The following HLCS variants were observed in gnomAD, a reference collection of about 807,000 sequenced individuals.
HLCS encodes holocarboxylase synthetase.
HLCS carries 53 observed loss-of-function variants against 75.0 expected under a neutral mutation model. The ratio of observed to expected loss-of-function variants is 0.71; its 90% CI spans 0.57 to 0.89. The LOEUF (loss-of-function observed/expected upper bound fraction) is 0.89, where lower values mean the gene tolerates loss of function less well. Ranked by LOEUF, HLCS falls within the 40% of genes least tolerant of loss-of-function variation. HLCS has a pLI of 0.00. For missense variants in HLCS, 966 were observed against 1,074.0 expected (o/e 0.90, Z 1.41); for synonymous variants, 431 against 428.6 (o/e 1.01, Z -0.07).
chr21:36,953,594 A>G (rs2067773445), intron 2 of HLCS, among the ~76,000 whole-genome samples: 1 of 152,164 alleles, frequency 6.6e-6, no homozygotes, highest in Non-Finnish European at 1.5e-5. Flanking sequence ...GTTCCTTAAG[A>G]CGCTGTACAT....
chr21:36,855,652 C>G (rs2063166419), intron 6 of HLCS, among the ~76,000 whole-genome samples: 1 of 150,944 alleles, frequency 6.6e-6, no homozygotes, highest in African/African-American at 2.4e-5. Flanking sequence ...TCATGGCTAA[C>G]TGCAACCTCT....
chr21:36,918,386 A>C (rs2066021074), intron 5 of HLCS, among the ~76,000 whole-genome samples: 1 of 152,254 alleles, frequency 6.6e-6, no homozygotes, highest in Non-Finnish European at 1.5e-5. Flanking sequence ...AGTTGGCTTC[A>C]AAGGCAGAGA....
intron 2 of HLCS, chr21:36,947,657 C>CTCT (rs2067468733): frequency 1.0e-6 from 1 of 985,324 alleles, no homozygotes; most frequent in Non-Finnish European, 1.2e-6. Context: ...GTAACTAAAG[C>CTCT]TCTTGACTTG....
chr21:36,866,032 GTACTT>G (rs2063541996), intron 6 of HLCS, among the ~76,000 whole-genome samples: 1 of 152,180 alleles, frequency 6.6e-6, no homozygotes, highest in East Asian at 1.9e-4. Flanking sequence ...AAGCTTAAAA[GTACTT>G]TCCTTTCAGA....
intron 6 of HLCS, among the ~76,000 whole-genome samples, chr21:36,827,817 CTT>C (rs60457236): frequency 1.0e-4 from 14 of 138,784 alleles, no homozygotes; most frequent in Non-Finnish European, 1.1e-4. Flanking sequence ...TTCTTTCTTT[CTT>C]TTTTTTTTTT....
chr21:36,955,582 T>C (rs2067896101), intron 2 of HLCS, among the ~76,000 whole-genome samples: 1 of 152,114 alleles, frequency 6.6e-6, no homozygotes, highest in African/African-American at 2.4e-5. Flanking sequence ...TAAGCTGTTA[T>C]TACGAAAGAA....
At chr21:36,866,243 A>C (rs2063552665) in intron 6 of HLCS, among the ~76,000 whole-genome samples, 1 of 152,214 alleles carries the variant, frequency 6.6e-6, no homozygotes, top group Admixed American at 6.5e-5. Context: ...GAAATGCTGG[A>C]AATTAAACCA....
At chr21:36,916,787 T>C (rs1426542824) in intron 5 of HLCS, among the ~76,000 whole-genome samples, 1 of 152,152 alleles carries the variant, frequency 6.6e-6, no homozygotes, top group African/African-American at 2.4e-5. Flanking sequence ...TACACAGCCA[T>C]ACGGAACCAT....
At chr21:36,942,962 A>T (rs2067218958) in intron 2 of HLCS, among the ~76,000 whole-genome samples, 1 of 151,968 alleles carries the variant, frequency 6.6e-6, no homozygotes, top group African/African-American at 2.4e-5. Context: ...AAATATACAA[A>T]CGCCCAATAA....
intron 6 of HLCS, among the ~76,000 whole-genome samples, chr21:36,851,289 A>C (rs1234477738): frequency 6.6e-6 from 1 of 152,232 alleles, no homozygotes; most frequent in Non-Finnish European, 1.5e-5. Flanking sequence ...AGCGTCCATC[A>C]ACAGATGACT....
chr21:36,969,879 G>C (rs2068739801), upstream of HLCS, among the ~76,000 whole-genome samples: 1 of 151,902 alleles, frequency 6.6e-6, no homozygotes, highest in African/African-American at 2.4e-5. Context: ...GGTCAGACTA[G>C]GGATTTAGAA....
rs149733264 is a variant in HLCS at position 36,754,358 on chromosome 21, T to C, written c.2510A>G (p.Asp837Gly). ...EGPKVSIVGL[D>G]DSGFLQVHQE... Reference sequence around the variant, plus strand: ...GTGAACCTGGAGGAAGCCAGAATCGTCCAGGCCAACGATGGACACCTTTGG... The same window carrying C: ...GTGAACCTGGAGGAAGCCAGAATCGCCCAGGCCAACGATGGACACCTTTGG... The change falls in exon 11 of 11, where the codon GAC (aspartate) becomes GGC (glycine). Residue 837 changes from aspartate to glycine, a missense_variant. Transcript: ENST00000674895. The C allele has an allele frequency of 6.2e-7, 1 of 1,613,922 alleles. No individual in the cohort carries two copies. The highest frequency in any genetic ancestry group is 8.5e-7 in the Non-Finnish European group (1 of 1,179,972).
chr21:36,835,280 C>A lies in HLCS; in HGVS notation c.1892+61580G>T, dbSNP rs78909049. Among the ~76,000 whole-genome samples, 163 of 152,308 alleles carry A rather than the reference C, an allele frequency of 1.1e-3. 2 individuals are homozygous for A. In the East Asian group the frequency reaches 0.03, roughly 28 times the overall value. Reference sequence around the variant, plus strand: ...TCAAGAGTTTTATGGAGCCAAGGATCTTTTCAGTACGAATATGCCTATACA... The same window carrying A: ...TCAAGAGTTTTATGGAGCCAAGGATATTTTCAGTACGAATATGCCTATACA... On this transcript the variant is annotated intron_variant, in intron 6 of 10. Coordinates refer to ENST00000674895, the MANE Select transcript of HLCS (RefSeq NM_001352514.2).
intron 6 of HLCS, among the ~76,000 whole-genome samples, chr21:36,867,066 T>A (rs1601564034): frequency 6.6e-6 from 1 of 152,206 alleles, no homozygotes; most frequent in African/African-American, 2.4e-5. Flanking sequence ...CTGATATTAA[T>A]AGATCTGCTC....
intron 1 of HLCS, among the ~76,000 whole-genome samples, chr21:36,983,151 C>T (rs542464549): frequency 1.3e-5 from 2 of 152,156 alleles, no homozygotes; most frequent in East Asian, 1.9e-4. Flanking sequence ...CAGAATCTAC[C>T]GCTCTTGCCT....
chr21:36,911,791 G>A (rs550659601), intron 5 of HLCS, among the ~76,000 whole-genome samples: 11 of 149,880 alleles, frequency 7.3e-5, no homozygotes, highest in East Asian at 2.0e-4. Context: ...AGAGAGGGCC[G>A]GGCGCGGTGG....
intron 6 of HLCS, among the ~76,000 whole-genome samples, chr21:36,861,510 C>T (rs2063381154): frequency 6.6e-6 from 1 of 152,030 alleles, no homozygotes; most frequent in Non-Finnish European, 1.5e-5. Flanking sequence ...AGCCTAGTAC[C>T]CAATAGATTT....
chr21:36,977,342 T>G (rs1569271576), intron 1 of HLCS, among the ~76,000 whole-genome samples: 1 of 152,080 alleles, frequency 6.6e-6, no homozygotes, highest in Non-Finnish European at 1.5e-5. Flanking sequence ...GGTAAGCACA[T>G]GGGGCCACTG....
intron 6 of HLCS, chr21:36,804,231 T>C (rs1310367278): frequency 6.6e-6 from 1 of 152,198 alleles, no homozygotes; most frequent in South Asian, 2.1e-4. Context: ...AATGCAACGC[T>C]CCCAGCAGGT....
Sources: gnomAD v4.1 joint callset for allele counts (sites outside exome capture counted in the v4.1 genomes callset) on GRCh38, gnomAD v4.1.1 for gene constraint, MANE v1.5 for transcripts, NCBI Gene and HGNC (gene_info 2026-07-23, HGNC 2026-07-21) for gene names.